GPHN: variants seen among roughly 807,000 people sequenced by gnomAD.
GPHN encodes gephyrin.
Under a neutral mutation model 95.5 loss-of-function variants are expected in GPHN, and 17 were observed. The observed-to-expected ratio is 0.18, with a 90% CI of 0.12 to 0.27. The LOEUF is 0.27. Among genes scored for constraint, GPHN ranks in the 10% least tolerant of loss-of-function variants. GPHN has a pLI of 1.00. For synonymous variants in GPHN, 320 were observed against 322.5 expected (o/e 0.99, Z 0.08); for missense variants, 660 against 978.1 (o/e 0.67, Z 4.34).
intron 2 of GPHN, among the ~76,000 whole-genome samples, chr14:66,698,136 C>T (rs990272428): frequency 2.0e-4 from 30 of 152,006 alleles, no homozygotes; most frequent in African/African-American, 7.0e-4. Context: ...ATACATTATA[C>T]AGAAAATATA....
At chr14:66,981,006 G>A (rs1012152822) in intron 9 of GPHN, among the ~76,000 whole-genome samples, 1 of 152,162 alleles carries the variant, frequency 6.6e-6, no homozygotes, top group Non-Finnish European at 1.5e-5. Flanking sequence ...CCGAGATTGC[G>A]CCATTACATT....
intron 9 of GPHN, among the ~76,000 whole-genome samples, chr14:66,967,695 T>TAG (rs2069439080): frequency 6.6e-6 from 1 of 151,896 alleles, no homozygotes; most frequent in African/African-American, 2.4e-5. Context: ...AACAGGTAGA[T>TAG]AATAACTTTA....
At chr14:67,522,412 C>T in the GPHN span, among the ~76,000 whole-genome samples, 15 of 152,106 alleles carry the variant, frequency 9.9e-5, 2 homozygotes, top group Admixed American at 8.5e-4. Context: ...GAAGCTTAGT[C>T]GTCTGAGGGG....
intron 5 of GPHN, among the ~76,000 whole-genome samples, chr14:66,888,222 T>A (rs1356772161): frequency 6.6e-6 from 1 of 151,868 alleles, no homozygotes; most frequent in Non-Finnish European, 1.5e-5. Context: ...TTCCCCAAAT[T>A]AATGTCAGAT....
At chr14:67,726,803 GC>G in the GPHN span, among the ~76,000 whole-genome samples, 1 of 152,158 alleles carries the variant, frequency 6.6e-6, no homozygotes, top group Non-Finnish European at 1.5e-5. Context: ...TCTAGCTCTG[GC>G]TCTTGCTTTG....
chr14:67,487,205 A>G, the GPHN span: 1 of 152,184 alleles, frequency 6.6e-6, no homozygotes, highest in Non-Finnish European at 1.5e-5. Context: ...TTATTAGCTT[A>G]AACTGCCCCC....
intron 11 of GPHN, among the ~76,000 whole-genome samples, chr14:67,074,477 C>A (rs1037648009): frequency 6.6e-6 from 1 of 152,058 alleles, no homozygotes; most frequent in Admixed American, 6.6e-5. Flanking sequence ...ATTGGCTGTT[C>A]CCTTTTCTCC....
chr14:67,663,258 T>C, the GPHN span: 1 of 1,133,960 alleles, frequency 8.8e-7, no homozygotes, highest in Non-Finnish European at 1.3e-6. Context: ...ATTGTCTTAA[T>C]TGTATTTTCT....
At chr14:67,407,243 T>C in the GPHN span, among the ~76,000 whole-genome samples, 1 of 152,024 alleles carries the variant, frequency 6.6e-6, no homozygotes, top group South Asian at 2.1e-4. Context: ...TGCCTCAGCC[T>C]CCCGAGTAGC....
At chr14:66,905,033 C>T (rs1454505983) in intron 5 of GPHN, among the ~76,000 whole-genome samples, 1 of 152,026 alleles carries the variant, frequency 6.6e-6, no homozygotes, top group African/African-American at 2.4e-5. Context: ...TCCTCAACTC[C>T]CTCTTGAACA....
chr14:67,496,411 T>TTTTTTTTTG, the GPHN span, among the ~76,000 whole-genome samples: 1 of 134,386 alleles, frequency 7.4e-6, no homozygotes, highest in East Asian at 2.2e-4. Flanking sequence ...TTTTTTTTTT[T>TTTTTTTTTG]TTTTTTTTTT....
chr14:67,584,368 A>C, the GPHN span, among the ~76,000 whole-genome samples: 2 of 152,112 alleles, frequency 1.3e-5, no homozygotes, highest in African/African-American at 4.8e-5. Flanking sequence ...CACACACACA[A>C]AGATTCAGAC....
At chr14:67,559,016 T>A in the GPHN span, among the ~76,000 whole-genome samples, 5 of 152,362 alleles carry the variant, frequency 3.3e-5, no homozygotes, top group Admixed American at 3.3e-4. Flanking sequence ...TTAAACTAGA[T>A]GACCTTTAAG....
At chr14:67,085,947 T>A (rs1010662642) in intron 11 of GPHN, among the ~76,000 whole-genome samples, 9 of 152,374 alleles carry the variant, frequency 5.9e-5, no homozygotes, top group South Asian at 4.1e-4. Flanking sequence ...CTCATGTAAG[T>A]GGAATCATAA....
the GPHN span, chr14:67,646,634 C>T: frequency 4.4e-6 from 7 of 1,585,624 alleles, no homozygotes; most frequent in Admixed American, 1.0e-4. Context: ...TCCATTTCTC[C>T]CTTTCATAGG....
At chr14:67,200,835 C>T in the GPHN span, among the ~76,000 whole-genome samples, 1 of 152,186 alleles carries the variant, frequency 6.6e-6, no homozygotes, top group Non-Finnish European at 1.5e-5. Context: ...AATAAAATTA[C>T]ATAGTACTTG....
the GPHN span, among the ~76,000 whole-genome samples, chr14:67,278,394 C>T: frequency 1.2e-3 from 182 of 149,610 alleles, no homozygotes; most frequent in South Asian, 2.1e-3. Context: ...CCCATGTAAT[C>T]CTTGTCTCAA....
intron 4 of GPHN, among the ~76,000 whole-genome samples, chr14:66,852,921 A>C (rs2062651489): frequency 6.6e-6 from 1 of 152,164 alleles, no homozygotes; most frequent in Admixed American, 6.6e-5. Context: ...TCTTATTATA[A>C]CATCTATATT....
the GPHN span, among the ~76,000 whole-genome samples, chr14:67,697,607 C>T: frequency 4.6e-5 from 7 of 152,146 alleles, no homozygotes; most frequent in African/African-American, 1.7e-4. Flanking sequence ...CCCTATTTTA[C>T]AGACAAGAAA....
Sources: gnomAD v4.1 joint callset for allele counts (sites outside exome capture counted in the v4.1 genomes callset) on GRCh38, gnomAD v4.1.1 for gene constraint, MANE v1.5 for transcripts, NCBI Gene and HGNC (gene_info 2026-07-23, HGNC 2026-07-21) for gene names.